The following ZNF543 variants were observed in gnomAD, a reference collection of about 807,000 sequenced individuals.
ZNF543 encodes zinc finger protein 543.
Under a neutral mutation model 13.4 loss-of-function variants are expected in ZNF543, and 10 were observed. The ratio of observed to expected loss-of-function variants is 0.75; its 90% CI spans 0.46 to 1.26. ZNF543 has a LOEUF of 1.26. Ranked by LOEUF, ZNF543 falls within the 50% of genes most tolerant of loss-of-function variation. ZNF543 has a pLI of 0.00. For missense variants in ZNF543, 768 were observed against 741.2 expected (o/e 1.04, Z -0.42); for synonymous variants, 272 against 264.7 (o/e 1.03, Z -0.27).
At chr19:57,325,627 A>G (rs1197114242) in intron 2 of ZNF543, among the ~76,000 whole-genome samples, 1 of 152,082 alleles carries the variant, frequency 6.6e-6, no homozygotes, top group Non-Finnish European at 1.5e-5. Context: ...ATCTCAGCTC[A>G]CTGCAGCCTC....
chr19:57,328,029 T>C lies in ZNF543; in HGVS notation c.567T>C (p.Asp189=), dbSNP rs1214535567. The change falls in exon 4 of 4, where the codon GAT becomes GAC. Residue 189 remains aspartate (D), a synonymous_variant. Coordinates refer to ENST00000321545, the MANE Select transcript of ZNF543 (RefSeq NM_213598.4). ...GTGATTCACATGGACCAGTTACAGA[T>C]GCCTTGATTCGCGAAGAGAAAAATT... ...YECDSHGPVT[D]ALIREEKNSY... is the part of the protein sequence containing the mutation. 6.2e-7 allele frequency: 1 copy of C among 1,614,234 alleles called. No individual in the cohort carries two copies. The highest frequency in any genetic ancestry group is 8.5e-7 in the Non-Finnish European group (1 of 1,180,052).
chr19:57,323,569 T>C (rs1473915971), intron 1 of ZNF543, 113 bp from the exon 2 acceptor site: 1 of 1,321,684 alleles, frequency 7.6e-7, no homozygotes, highest in Non-Finnish European at 1.1e-6. Context: ...CTAGAGATGC[T>C]TGGTGATTTG....
At position 57,327,627 on chromosome 19, in the gene ZNF543, G is replaced by T. The variant is rs182806906; in HGVS notation, c.242-77G>T. The T allele has an allele frequency of 6.6e-5, 99 of 1,511,408 alleles. 1 individual carries two copies. The highest frequency in any genetic ancestry group is 8.8e-7 in the Non-Finnish European group (1 of 1,132,662). 93.6% of individuals were successfully genotyped at this position (1,511,408 alleles called of 1,614,324 possible). A position where few individuals can be genotyped will look rare whatever the true frequency, so the allele number is the denominator to read the frequency against. On this transcript the variant is annotated intron_variant, in intron 3 of 3. Transcript: ENST00000321545. The stretch of plus-strand genomic sequence containing the variant: ...CCCAAAGTGCTGGGATTACAGGTAT[G>T]AATCACTGTCCCTGGCCTTTGTTTT...
In ZNF543 at chr19:57,328,320, T is replaced by C; in HGVS notation, c.858T>C (p.Ser286=). 1 of 1,611,988 alleles carries C rather than the reference T, an allele frequency of 6.2e-7. No individual in the cohort carries two copies. Residue 286 remains serine, a synonymous_variant, in exon 4 of 4, where the codon AGT becomes AGC. Transcript: ENST00000321545. Reference sequence around the variant, plus strand: ...GTGGAGAGAAGCCTTATAAGTGCAGTGAATGTGGAAAGGCCTTCACCCACC... The same window carrying C: ...GTGGAGAGAAGCCTTATAAGTGCAGCGAATGTGGAAAGGCCTTCACCCACC... ...IHSGEKPYKC[S]ECGKAFTHRS... is the part of the protein sequence containing the mutation.
In ZNF543 at chr19:57,329,013, C is replaced by T. The variant is rs1048011455; in HGVS notation, c.1551C>T (p.Cys517=). Residue 517 remains cysteine (C), a synonymous_variant, in exon 4 of 4, where the codon TGC becomes TGT. Coordinates refer to ENST00000321545, the MANE Select transcript of ZNF543 (RefSeq NM_213598.4). Reference sequence around the variant, plus strand: ...GCATCCAGTGTGGGAAAGCCTTTTGCCGGAGCGCAAACCTTATTCGACACT... The same window carrying T: ...GCATCCAGTGTGGGAAAGCCTTTTGTCGGAGCGCAAACCTTATTCGACACT... ...YECIQCGKAF[C]RSANLIRHSI... 1.2e-6 allele frequency: 2 copies of T among 1,614,078 alleles called. No homozygotes were observed. The highest frequency in any genetic ancestry group is 1.7e-5 in the Admixed American group (1 of 60,014).
intron 1 of ZNF543, among the ~76,000 whole-genome samples, chr19:57,321,430 T>G (rs1333000322): frequency 6.6e-6 from 1 of 152,222 alleles, no homozygotes; most frequent in Non-Finnish European, 1.5e-5. Flanking sequence ...GTGTGGCATT[T>G]TTGTATAGAG....
chr19:57,322,597 T>C (rs1405481947), intron 1 of ZNF543, among the ~76,000 whole-genome samples: 3 of 152,074 alleles, frequency 2.0e-5, no homozygotes, highest in African/African-American at 7.2e-5. Context: ...GAGTGTCGGG[T>C]TGCATGATTA....
intron 2 of ZNF543, 25 bp from the exon 3 acceptor site, chr19:57,326,608 G>T: frequency 6.3e-7 from 1 of 1,588,276 alleles, no homozygotes; most frequent in Middle Eastern, 1.7e-4. Context: ...AACTCCCTGT[G>T]TCCTCTTTTG....
intron 2 of ZNF543, among the ~76,000 whole-genome samples, chr19:57,324,356 A>G (rs75248033): frequency 5.8e-5 from 3 of 51,694 alleles, no homozygotes; most frequent in East Asian, 2.6e-4. Flanking sequence ...CTCCGTCTGA[A>G]AAAAAAAAAA....
rs564417072 is a variant in ZNF543, at chr19:57,320,767, G to T, written c.-87G>T. 17 of 1,543,494 alleles carry T rather than the reference G, an allele frequency of 1.1e-5. No individual in the cohort carries two copies. The East Asian group carries it at 4.0e-4, about 37-fold the overall frequency. On this transcript the variant is annotated 5_prime_UTR_variant, in exon 1 of 4. Transcript: ENST00000321545. ...GAGGCTCCGAGTGCGAAAGTCAGCC[G>T]AGGTCGCCCCGCCCAGGACAGAGAA...
rs1404330960 is a variant in ZNF543, at chr19:57,330,511, C to T, written c.*1246C>T. 1.3e-5 allele frequency: 2 copies of T among 152,058 alleles called. No homozygotes were observed. Among genetic ancestry groups the T allele is most frequent in the Non-Finnish European group, 2.9e-5 (2 of 68,014 alleles). The allele number at this position is 152,058 out of a possible 1,614,324, so 9.4% of individuals were successfully genotyped here. A position where few individuals can be genotyped will look rare whatever the true frequency, so the allele number is the denominator to read the frequency against. ...AGAAGAACAAACATAGAAGGAATGT[C>T]ATTTTTAATCTTTTTAAAGAGTGTG... On this transcript the variant is annotated 3_prime_UTR_variant, in exon 4 of 4. Transcript: ENST00000321545.
At chr19:57,323,116 C>A (rs2088099228) in intron 1 of ZNF543, among the ~76,000 whole-genome samples, 1 of 152,004 alleles carries the variant, frequency 6.6e-6, no homozygotes, top group South Asian at 2.1e-4. Context: ...CCTCTCAGTC[C>A]CCTTAGGATT....
chr19:57,322,482 CAAAAA>C (rs34137895), intron 1 of ZNF543, among the ~76,000 whole-genome samples: 2 of 128,548 alleles, frequency 1.6e-5, no homozygotes, highest in African/African-American at 3.0e-5. Context: ...GACCCTGTCT[CAAAAA>C]AAAAAAAAAA....
chr19:57,320,596 C>T lies in ZNF543; in HGVS notation c.-258C>T. 3 of 523,722 alleles carry T rather than the reference C, an allele frequency of 5.7e-6. No individual in the cohort carries two copies. Among genetic ancestry groups the T allele is most frequent in the Admixed American group, 3.5e-5 (1 of 28,624 alleles). The allele number at this position is 523,722 out of a possible 1,614,324, so 32.4% of individuals were successfully genotyped here. On this transcript the variant is annotated 5_prime_UTR_variant, in exon 1 of 4. Transcript: ENST00000321545. ...ATGAGGCTGTTACGCGCCTTCTCCG[C>T]ATCTTGGCGGGAGCCTGACGCCCCG...
Position 57,328,445 on chromosome 19 carries a change from G to A in ZNF543, c.983G>A (p.Arg328Gln), listed in dbSNP as rs771063500. 1.8e-5 allele frequency: 29 copies of A among 1,609,130 alleles called. No individual in the cohort carries two copies. Among genetic ancestry groups the A allele is most frequent in the Admixed American group, 1.3e-4 (8 of 59,496 alleles). The change falls in exon 4 of 4, where the codon CGA (arginine) becomes CAA (glutamine). Residue 328 changes from arginine (R) to glutamine (Q), a missense_variant. Physicochemically the swap from Arg to Gln is conservative, Grantham distance 43. Coordinates refer to ENST00000321545, the MANE Select transcript of ZNF543 (RefSeq NM_213598.4). ...TTTCGAGATAGGCCAGGTTTCATTC[G>A]ACACTACATCATCCACACGGGAGAG... is the stretch of plus-strand genomic sequence containing the variant. Reference protein sequence around the residue: ...KAFRDRPGFIRHYIIHTGEKP... With the variant: ...KAFRDRPGFIQHYIIHTGEKP...
chr19:57,330,584 A>C lies in ZNF543; in HGVS notation c.*1319A>C, dbSNP rs138614078. On this transcript the variant is annotated 3_prime_UTR_variant, in exon 4 of 4. Transcript: ENST00000321545. Reference sequence around the variant, plus strand: ...TTTTAACAGGCAAGCCGGCATGCATATATGTAGGGATGTGTGACTTTCACA... The same window carrying C: ...TTTTAACAGGCAAGCCGGCATGCATCTATGTAGGGATGTGTGACTTTCACA... 12 of 152,260 alleles carry C rather than the reference A, an allele frequency of 7.9e-5. No individual in the cohort carries two copies. The East Asian group carries it at 2.3e-3, about 29-fold the overall frequency. The allele number at this position is 152,260 out of a possible 1,614,324, so 9.4% of individuals were successfully genotyped here.
rs2088133522 is a variant in ZNF543, at chr19:57,327,985, G to A, written c.523G>A (p.Glu175Lys). ...GATTACACAGAAACAAGTTTCAACAGAAGGTGATCTCTATGAATGTGATTC... is the reference window on the plus strand; with the variant it reads ...GATTACACAGAAACAAGTTTCAACAAAAGGTGATCTCTATGAATGTGATTC... Reference protein sequence around the residue: ...TKITQKQVSTEGDLYECDSHG... With the variant: ...TKITQKQVSTKGDLYECDSHG... The change falls in exon 4 of 4, where the codon GAA becomes AAA. Residue 175 changes from glutamate (E) to lysine (K), a missense_variant. Glu to Lys is a moderately conservative substitution (Grantham distance 56, BLOSUM62 1). Transcript: ENST00000321545. The A allele has an allele frequency of 6.2e-7, 1 of 1,614,072 alleles. No homozygotes were observed. The highest frequency in any genetic ancestry group is 1.3e-5 in the African/African-American group (1 of 74,952).
At chr19:57,323,893 T>C in intron 2 of ZNF543, 85 bp downstream of exon 2, 1 of 1,521,108 alleles carries the variant, frequency 6.6e-7, no homozygotes, top group Non-Finnish European at 8.9e-7. Flanking sequence ...CCACTTGTTC[T>C]GAGGCTCCTG....
chr19:57,321,771 A>G (rs755568786), intron 1 of ZNF543, among the ~76,000 whole-genome samples: 3 of 152,140 alleles, frequency 2.0e-5, no homozygotes, highest in African/African-American at 4.8e-5. Flanking sequence ...TTTGCCCGCA[A>G]TGGTTAGGGA....
Sources: allele counts gnomAD v4.1 joint callset (sites outside exome capture counted in the v4.1 genomes callset), GRCh38; gene constraint gnomAD v4.1.1; transcripts MANE v1.5; gene names NCBI Gene and HGNC (gene_info 2026-07-23, HGNC 2026-07-21).